SHISA9: variants seen among roughly 807,000 people sequenced by gnomAD.
SHISA9 encodes shisa family member 9.
Under a neutral mutation model 38.0 loss-of-function variants are expected in SHISA9, and 13 were observed. The observed-to-expected ratio is 0.34, with a 90% CI of 0.22 to 0.54. The LOEUF (loss-of-function observed/expected upper bound fraction) is 0.54. SHISA9 is among the 20% of genes least tolerant of loss of function. The pLI, the probability that SHISA9 is intolerant of heterozygous loss-of-function variation, is 0.91. For synonymous variants in SHISA9, 275 were observed against 242.0 expected (o/e 1.14, Z -1.27); for missense variants, 538 against 575.8 (o/e 0.93, Z 0.67).
At position 12,902,402 on chromosome 16, in the gene SHISA9, G is replaced by T; in HGVS notation, c.338G>T (p.Arg113Leu). 6.4e-7 allele frequency: 1 copy of T among 1,551,170 alleles called. No homozygotes were observed. The highest frequency in any genetic ancestry group is 2.4e-5 in the East Asian group (1 of 40,886). Residue 113 changes from arginine (R) to leucine (L), a missense_variant, in exon 1 of 5, where the codon CGG (arginine) becomes CTG (leucine). By Grantham distance (102) the Arg-to-Leu change is moderately radical (BLOSUM62 -2). Around this residue, in one of 4 missense-constraint regions of SHISA9, gnomAD observed 88 missense variants for 109.7 expected, o/e 0.80. Transcript: ENST00000558583. ...GFRFCCTFKKRRLNQSTCTNY... is the reference protein window; with the variant it reads ...GFRFCCTFKKLRLNQSTCTNY... Reference sequence around the variant, plus strand: ...CGGTTCTGCTGCACGTTTAAGAAGCGGCGACTGAACCAAAGCACCTGCACC... The same window carrying T: ...CGGTTCTGCTGCACGTTTAAGAAGCTGCGACTGAACCAAAGCACCTGCACC...
At chr16:13,076,134 G>A (rs1475087723) in intron 2 of SHISA9, among the ~76,000 whole-genome samples, 4 of 151,220 alleles carry the variant, frequency 2.6e-5, no homozygotes, top group Admixed American at 6.6e-5. Context: ...ATGTTCAAGC[G>A]ATTCTCCTGC....
intron 2 of SHISA9, among the ~76,000 whole-genome samples, chr16:12,948,927 T>A (rs914596806): frequency 6.6e-6 from 1 of 152,238 alleles, no homozygotes; most frequent in Non-Finnish European, 1.5e-5. Context: ...AAATATTATA[T>A]ACCTTTGTAA....
the SHISA9 span, among the ~76,000 whole-genome samples, chr16:13,315,796 T>C: frequency 6.6e-6 from 1 of 152,160 alleles, no homozygotes; most frequent in African/African-American, 2.4e-5. Flanking sequence ...TGGATAGCTC[T>C]CCTATGGAGG....
chr16:12,908,491 TCTG>T, intron 1 of SHISA9: 23 of 1,552,330 alleles, frequency 1.5e-5, no homozygotes, highest in Non-Finnish European at 2.0e-5. Flanking sequence ...TCTATGACAA[TCTG>T]CTGTTTATGG....
the SHISA9 span, among the ~76,000 whole-genome samples, chr16:13,278,968 C>A: frequency 6.6e-6 from 1 of 151,806 alleles, no homozygotes; most frequent in African/African-American, 2.4e-5. Flanking sequence ...TTGGTTTGTT[C>A]TTGTTTTTCT....
the SHISA9 span, among the ~76,000 whole-genome samples, chr16:13,277,392 A>C: frequency 1.3e-5 from 2 of 152,064 alleles, no homozygotes; most frequent in Non-Finnish European, 2.9e-5. Flanking sequence ...TGCTTTGGCT[A>C]TGCAGGCTCT....
chr16:13,244,515 G>T (rs558905785), downstream of SHISA9, among the ~76,000 whole-genome samples: 4 of 152,008 alleles, frequency 2.6e-5, no homozygotes, highest in African/African-American at 7.2e-5. Context: ...CTTTTTTCTA[G>T]CTTACTTTAT....
the SHISA9 span, among the ~76,000 whole-genome samples, chr16:13,506,783 C>T: frequency 7.4e-4 from 112 of 152,202 alleles, 1 homozygote; most frequent in South Asian, 0.023. Flanking sequence ...TGCTATAATC[C>T]TAGCACTTTG....
the SHISA9 span, among the ~76,000 whole-genome samples, chr16:13,363,437 A>T: frequency 1.3e-5 from 2 of 152,198 alleles, no homozygotes; most frequent in South Asian, 2.1e-4. Flanking sequence ...AGGGATTTTT[A>T]AAAATTAGGT....
At chr16:12,920,264 T>C (rs2071310957) in intron 2 of SHISA9, among the ~76,000 whole-genome samples, 1 of 152,210 alleles carries the variant, frequency 6.6e-6, no homozygotes, top group South Asian at 2.1e-4. Context: ...GGCACATGTA[T>C]ACATATGTAA....
chr16:12,948,702 C>T (rs1226293908), intron 2 of SHISA9, among the ~76,000 whole-genome samples: 1 of 152,180 alleles, frequency 6.6e-6, no homozygotes, highest in African/African-American at 2.4e-5. Flanking sequence ...GCTCTACCCT[C>T]ATGAGCTAAT....
chr16:13,274,196 A>G, the SHISA9 span, among the ~76,000 whole-genome samples: 2 of 152,174 alleles, frequency 1.3e-5, no homozygotes, highest in Non-Finnish European at 2.9e-5. Flanking sequence ...CACTCCAGAT[A>G]AAAGGGGAAG....
At chr16:13,552,827 A>T in the SHISA9 span, among the ~76,000 whole-genome samples, 2 of 152,070 alleles carry the variant, frequency 1.3e-5, no homozygotes, top group African/African-American at 4.8e-5. Flanking sequence ...CTCTGTCCCA[A>T]GGGAGCAATT....
chr16:13,251,153 A>G, the SHISA9 span, among the ~76,000 whole-genome samples: 5 of 152,202 alleles, frequency 3.3e-5, no homozygotes, highest in Non-Finnish European at 7.3e-5. Flanking sequence ...AGGCTCCACA[A>G]GAATCAAAGA....
At chr16:13,510,177 A>G in the SHISA9 span, among the ~76,000 whole-genome samples, 1 of 152,054 alleles carries the variant, frequency 6.6e-6, no homozygotes, top group Non-Finnish European at 1.5e-5. Flanking sequence ...GCATGGTGGC[A>G]GGCACCTGTA....
chr16:12,967,628 C>A (rs1567355565), intron 2 of SHISA9, among the ~76,000 whole-genome samples: 1 of 150,836 alleles, frequency 6.6e-6, no homozygotes, highest in Non-Finnish European at 1.5e-5. Context: ...TATGGACATC[C>A]AAGGACAATG....
At chr16:13,501,153 T>A in the SHISA9 span, among the ~76,000 whole-genome samples, 426 of 152,214 alleles carry the variant, frequency 2.8e-3, 5 homozygotes, top group African/African-American at 1.0e-2. Context: ...CCAGGAAACA[T>A]TTGGGAATTT....
At chr16:13,171,131 G>C (rs1234063514) in intron 2 of SHISA9, among the ~76,000 whole-genome samples, 1 of 152,172 alleles carries the variant, frequency 6.6e-6, no homozygotes, top group Non-Finnish European at 1.5e-5. Flanking sequence ...CACATGGCAA[G>C]AGAGCCAACA....
intron 2 of SHISA9, among the ~76,000 whole-genome samples, chr16:12,950,178 T>C (rs2071736543): frequency 6.6e-6 from 1 of 152,232 alleles, no homozygotes; most frequent in Non-Finnish European, 1.5e-5. Context: ...ATTCCATCTA[T>C]GTTGCTGCAA....
Sources: allele counts gnomAD v4.1 joint callset (sites outside exome capture counted in the v4.1 genomes callset), GRCh38; gene constraint gnomAD v4.1.1; regional missense constraint gnomAD v4.1.1; transcripts MANE v1.5; gene names NCBI Gene and HGNC (gene_info 2026-07-23, HGNC 2026-07-21).